The following NTM variants were observed in gnomAD, a reference collection of about 807,000 sequenced individuals.
The protein encoded by NTM is neurotrimin, also known as IgLON family member 2.
NTM carries 13 observed loss-of-function variants against 42.1 expected under a neutral mutation model. The observed-to-expected ratio is 0.31, with a 90% CI of 0.20 to 0.49. The LOEUF (loss-of-function observed/expected upper bound fraction) is 0.49. Among genes scored for constraint, NTM ranks in the 20% least tolerant of loss-of-function variants. The pLI, the probability that NTM is intolerant of heterozygous loss-of-function variation, is 0.99. For missense variants in NTM, 373 were observed against 452.8 expected, an observed-to-expected ratio of 0.82 and a Z score of 1.60; for synonymous variants, 187 against 179.2, an observed-to-expected ratio of 1.04 and a Z score of -0.35.
At chr11:131,831,834 T>A (rs1019884927) in intron 1 of NTM, among the ~76,000 whole-genome samples, 1 of 151,774 alleles carries the variant, frequency 6.6e-6, no homozygotes, top group Non-Finnish European at 1.5e-5. Flanking sequence ...GTTCAGATTA[T>A]CTCCGGGTTT....
At chr11:131,762,304 T>C (rs2084339849) in intron 1 of NTM, among the ~76,000 whole-genome samples, 1 of 152,210 alleles carries the variant, frequency 6.6e-6, no homozygotes, top group Non-Finnish European at 1.5e-5. Context: ...GGGAATTGTC[T>C]CTGCTTATTT....
chr11:131,920,706 T>C (rs2057096594), intron 2 of NTM, among the ~76,000 whole-genome samples: 1 of 152,190 alleles, frequency 6.6e-6, no homozygotes. Context: ...ATTTGTCTTA[T>C]AAAATGAACG....
chr11:131,424,964 C>T (rs1947972415), intron 1 of NTM, among the ~76,000 whole-genome samples: 1 of 151,066 alleles, frequency 6.6e-6, no homozygotes, highest in African/African-American at 2.4e-5. Flanking sequence ...ATTGAAACCT[C>T]CGCCTCCTGG....
intron 1 of NTM, among the ~76,000 whole-genome samples, chr11:131,782,827 T>C (rs1055466371): frequency 1.5e-4 from 23 of 152,248 alleles, no homozygotes; most frequent in Admixed American, 1.0e-3. Context: ...AGAAAGTAAC[T>C]TTCTCAACCT....
intron 1 of NTM, among the ~76,000 whole-genome samples, chr11:131,554,937 C>G (rs371569582): frequency 6.6e-6 from 1 of 152,236 alleles, no homozygotes; most frequent in Non-Finnish European, 1.5e-5. Flanking sequence ...TTCAAGCTGT[C>G]TCTGGGTGGC....
intron 2 of NTM, among the ~76,000 whole-genome samples, chr11:132,043,550 G>C (rs537816242): frequency 1.3e-3 from 198 of 152,326 alleles, no homozygotes; most frequent in African/African-American, 4.4e-3. Flanking sequence ...CACAGACTCT[G>C]ACTCAGCCAG....
chr11:131,851,975 C>T (rs1002177774), intron 1 of NTM, among the ~76,000 whole-genome samples: 1 of 152,108 alleles, frequency 6.6e-6, no homozygotes. Context: ...TGCCTGGAAC[C>T]CGGGTCTGGG....
At chr11:131,766,410 C>A (rs890792317) in intron 1 of NTM, among the ~76,000 whole-genome samples, 2 of 152,056 alleles carry the variant, frequency 1.3e-5, no homozygotes, top group Admixed American at 6.6e-5. Flanking sequence ...GAGGGCGATG[C>A]GACAGAATGG....
At chr11:132,084,961 C>T (rs1359355669) in intron 2 of NTM, among the ~76,000 whole-genome samples, 1 of 152,132 alleles carries the variant, frequency 6.6e-6, no homozygotes, top group Non-Finnish European at 1.5e-5. Context: ...TCTTTTATAA[C>T]CCTTTACAAA....
intron 1 of NTM, among the ~76,000 whole-genome samples, chr11:131,848,747 C>A (rs866151176): frequency 6.6e-6 from 1 of 152,228 alleles, no homozygotes; most frequent in South Asian, 2.1e-4. Flanking sequence ...TCAGATTGGC[C>A]CCAAATCGCA....
intron 2 of NTM, among the ~76,000 whole-genome samples, chr11:132,013,143 G>T (rs182554071): frequency 6.6e-6 from 1 of 152,154 alleles, no homozygotes; most frequent in Admixed American, 6.5e-5. Flanking sequence ...GCTGTGTGAA[G>T]TCAACAGAGA....
intron 2 of NTM, among the ~76,000 whole-genome samples, chr11:131,958,945 T>C (rs1333358558): frequency 6.6e-6 from 1 of 152,176 alleles, no homozygotes; most frequent in East Asian, 1.9e-4. Flanking sequence ...TACCCTACTT[T>C]CAGGCAAACA....
intron 3 of NTM, among the ~76,000 whole-genome samples, chr11:132,185,988 T>C (rs2078334179): frequency 6.6e-6 from 1 of 152,190 alleles, no homozygotes; most frequent in South Asian, 2.1e-4. Context: ...TTCATCGCTT[T>C]CCCACCCTAG....
intron 2 of NTM, among the ~76,000 whole-genome samples, chr11:132,055,110 A>G (rs946154747): frequency 6.6e-6 from 1 of 152,242 alleles, no homozygotes; most frequent in Admixed American, 6.5e-5. Context: ...CAGATTGCAA[A>G]GGATGGGGCT....
At position 132,214,765 on chromosome 11, in the gene NTM, G is replaced by T. The variant is rs548730009; in HGVS notation, c.526+2618G>T. ...ACTTTTGCCTGAGCCTGGGCCAGGT[G>T]TCCCATTTTACTGAGGTTTTAGCTG... is the stretch of plus-strand genomic sequence containing the variant. On this transcript the variant is annotated intron_variant, in intron 4 of 8. Transcript: ENST00000683400. Among the ~76,000 whole-genome samples the T allele has an allele frequency of 2.0e-5, 3 of 152,262 alleles. No individual in the cohort carries two copies. In the East Asian group the frequency reaches 5.8e-4, roughly 30 times the overall value.
rs114990363 is a variant in NTM at position 132,318,649 on chromosome 11, C to T, written c.934+3946C>T. On this transcript the variant is annotated intron_variant, in intron 7 of 8. Coordinates refer to ENST00000683400, the MANE Select transcript of NTM (RefSeq NM_001352005.2). The stretch of plus-strand genomic sequence containing the variant: ...AAGCAGTGGAATAAAATGGGTGCCG[C>T]GTGCACTGCTGTCACCCTGAGGACA... Among the ~76,000 whole-genome samples, 261 of 152,318 alleles carry T rather than the reference C, an allele frequency of 1.7e-3. 1 individual carries two copies. Among genetic ancestry groups the T allele is most frequent in the African/African-American group, 5.5e-3 (229 of 41,568 alleles).
intron 1 of NTM, among the ~76,000 whole-genome samples, chr11:131,407,854 T>G (rs1945970046): frequency 1.3e-5 from 2 of 152,314 alleles, no homozygotes; most frequent in East Asian, 3.9e-4. Flanking sequence ...CAGTAGCATT[T>G]GGGTTAATGA....
intron 1 of NTM, among the ~76,000 whole-genome samples, chr11:131,500,554 T>TA (rs1450317732): frequency 1.4e-5 from 1 of 72,798 alleles, no homozygotes; most frequent in African/African-American, 3.6e-5. Flanking sequence ...TATATATATA[T>TA]ATATATATAT....
chr11:131,558,034 T>C lies in NTM; in HGVS notation c.82+187146T>C, dbSNP rs143060204. Among the ~76,000 whole-genome samples, 44 of 152,284 alleles carry C rather than the reference T, an allele frequency of 2.9e-4. No homozygotes were observed. The East Asian group carries it at 4.3e-3, about 15-fold the overall frequency. On this transcript the variant is annotated intron_variant, in intron 1 of 8. Coordinates refer to ENST00000683400, the MANE Select transcript of NTM (RefSeq NM_001352005.2). Reference sequence around the variant, plus strand: ...TAACATGTTCTGTTTAGTACTGACATACGAAACCAGGAAGCGCCTTAATGA... The same window carrying C: ...TAACATGTTCTGTTTAGTACTGACACACGAAACCAGGAAGCGCCTTAATGA...
Sources: gnomAD v4.1 joint callset for allele counts (sites outside exome capture counted in the v4.1 genomes callset) on GRCh38, gnomAD v4.1.1 for gene constraint, MANE v1.5 for transcripts, NCBI Gene and HGNC (gene_info 2026-07-23, HGNC 2026-07-21) for gene names.